The following ZFHX3 variants were observed in gnomAD, a reference collection of about 807,000 sequenced individuals.
ZFHX3 encodes the protein zinc finger homeobox 3.
In ZFHX3, 42 loss-of-function variants were observed where a neutral mutation model predicts 279.1. The ratio of observed to expected loss-of-function variants is 0.15; its 90% CI spans 0.12 to 0.19. ZFHX3 has a LOEUF of 0.19. Ranked by LOEUF, ZFHX3 falls within the 10% of genes least tolerant of loss-of-function variation. The probability of loss-of-function intolerance (pLI) is 1.00; values close to 1 mark genes in which losing one functional copy is unlikely to be tolerated. For missense variants in ZFHX3, 4,981 were observed against 4,754.0 expected (o/e 1.05, Z -1.40); for synonymous variants, 2,293 against 1,957.8 (o/e 1.17, Z -4.52).
chr16:73,739,918 C>T (rs1296457744), intron 1 of ZFHX3, among the ~76,000 whole-genome samples: 1 of 152,152 alleles, frequency 6.6e-6, no homozygotes, highest in Non-Finnish European at 1.5e-5. Flanking sequence ...ATGTCCACCT[C>T]CACTCTGTAT....
At chr16:73,682,995 GAAAGAAAGAAAGAA>G (rs2053041478) in intron 1 of ZFHX3, among the ~76,000 whole-genome samples, 1 of 49,356 alleles carries the variant, frequency 2.0e-5, no homozygotes, top group African/African-American at 5.1e-5. Flanking sequence ...AGAAAGAAAA[GAAAGAAAGAAAGAA>G]AGAGAAAGGA....
intron 3 of ZFHX3, among the ~76,000 whole-genome samples, chr16:73,374,669 G>A (rs1032317444): frequency 1.3e-5 from 2 of 152,106 alleles, no homozygotes; most frequent in Admixed American, 1.3e-4. Context: ...TGCAATGGTC[G>A]ATAGGTCTTT....
chr16:73,716,058 T>C (rs2053411602), intron 1 of ZFHX3, among the ~76,000 whole-genome samples: 1 of 152,212 alleles, frequency 6.6e-6, no homozygotes, highest in South Asian at 2.1e-4. Context: ...TTTGTCTATT[T>C]CCATCAACTT....
At chr16:73,545,877 C>G (rs1057124662) in intron 2 of ZFHX3, among the ~76,000 whole-genome samples, 10 of 151,668 alleles carry the variant, frequency 6.6e-5, no homozygotes, top group Non-Finnish European at 1.5e-4. Flanking sequence ...GGCTGAACAA[C>G]AAGATATTGC....
intron 2 of ZFHX3, among the ~76,000 whole-genome samples, chr16:73,513,869 A>G (rs887320384): frequency 6.6e-6 from 1 of 152,092 alleles, no homozygotes; most frequent in African/African-American, 2.4e-5. Flanking sequence ...CAGCCCATGG[A>G]CTGTCAGCTT....
intron 7 of ZFHX3, among the ~76,000 whole-genome samples, chr16:73,122,701 G>T (rs1392933688): frequency 6.6e-6 from 1 of 152,144 alleles, no homozygotes; most frequent in African/African-American, 2.4e-5. Context: ...CAGAGCAGGA[G>T]TCAGCAGTTA....
intron 7 of ZFHX3, among the ~76,000 whole-genome samples, chr16:73,100,434 C>T (rs1367426578): frequency 1.3e-5 from 2 of 152,194 alleles, no homozygotes; most frequent in East Asian, 1.9e-4. Flanking sequence ...GTTTGATTAA[C>T]TTTGCAACTC....
chr16:73,715,695 C>A (rs763933487), intron 1 of ZFHX3, among the ~76,000 whole-genome samples: 2 of 151,628 alleles, frequency 1.3e-5, no homozygotes, highest in Non-Finnish European at 2.9e-5. Context: ...CCTCAGCCCC[C>A]CAAGTAGCTG....
intron 1 of ZFHX3, among the ~76,000 whole-genome samples, chr16:73,746,719 A>G (rs1297429883): frequency 6.6e-6 from 1 of 152,214 alleles, no homozygotes. Flanking sequence ...TAAATTAACC[A>G]AATTATCCAG....
chr16:73,608,854 A>G (rs2052217512), intron 2 of ZFHX3: 1 of 152,242 alleles, frequency 6.6e-6, no homozygotes, highest in Admixed American at 6.5e-5. Context: ...CGAACAAAAT[A>G]GAGAGTTTGG....
At chr16:73,093,773 A>C in intron 7 of ZFHX3, 1 of 279,568 alleles carries the variant, frequency 3.6e-6, no homozygotes, top group South Asian at 3.6e-5. Context: ...ACGCAACCTA[A>C]ATTCCATTCC....
intron 3 of ZFHX3, among the ~76,000 whole-genome samples, chr16:73,361,194 A>C (rs1236334983): frequency 6.6e-6 from 1 of 152,192 alleles, no homozygotes; most frequent in Non-Finnish European, 1.5e-5. Flanking sequence ...CCAGTGAATC[A>C]CACTTCTTGG....
At chr16:72,938,067 G>A (rs1960216285) in intron 3 of ZFHX3, among the ~76,000 whole-genome samples, 1 of 152,242 alleles carries the variant, frequency 6.6e-6, no homozygotes, top group Admixed American at 6.5e-5. Context: ...CGAACCAGTT[G>A]GTGAAACCAC....
At chr16:73,474,895 A>C (rs1459179784) in intron 2 of ZFHX3, among the ~76,000 whole-genome samples, 1 of 152,218 alleles carries the variant, frequency 6.6e-6, no homozygotes, top group African/African-American at 2.4e-5. Flanking sequence ...AACCATTGAC[A>C]GTACTGTCTC....
At chr16:73,319,694 A>G (rs995769292) in intron 3 of ZFHX3, among the ~76,000 whole-genome samples, 1 of 152,214 alleles carries the variant, frequency 6.6e-6, no homozygotes, top group Non-Finnish European at 1.5e-5. Flanking sequence ...AAGTAAGTCT[A>G]GTGCCACACT....
intron 2 of ZFHX3, among the ~76,000 whole-genome samples, chr16:73,600,575 G>T (rs1054719330): frequency 1.3e-5 from 2 of 151,786 alleles, no homozygotes; most frequent in Non-Finnish European, 2.9e-5. Flanking sequence ...CCGCCACCAC[G>T]CCCGGCCAAT....
chr16:72,943,191 A>G (rs575059447), intron 3 of ZFHX3, among the ~76,000 whole-genome samples: 1 of 152,324 alleles, frequency 6.6e-6, no homozygotes, highest in African/African-American at 2.4e-5. Context: ...AAAGAGTCCT[A>G]AATCACACTG....
intron 5 of ZFHX3, among the ~76,000 whole-genome samples, chr16:73,210,043 A>G (rs989874843): frequency 2.0e-5 from 3 of 152,194 alleles, no homozygotes; most frequent in African/African-American, 7.2e-5. Flanking sequence ...AAGTTTATGG[A>G]TACCCCAGAT....
chr16:72,804,151 C>G (rs2036194053), intron 7 of ZFHX3, among the ~76,000 whole-genome samples: 1 of 152,202 alleles, frequency 6.6e-6, no homozygotes, highest in Admixed American at 6.5e-5. Flanking sequence ...ATAATAGAAA[C>G]AGAAGCGTTC....
Sources: allele counts gnomAD v4.1 joint callset (sites outside exome capture counted in the v4.1 genomes callset), GRCh38; gene constraint gnomAD v4.1.1; transcripts MANE v1.5; gene names NCBI Gene and HGNC (gene_info 2026-07-23, HGNC 2026-07-21).